The following SLC39A14 variants were observed in gnomAD, a reference collection of about 807,000 sequenced individuals.
SLC39A14 encodes solute carrier family 39 member 14.
In SLC39A14, 19 loss-of-function variants were observed where a neutral mutation model predicts 45.5. That is an observed-to-expected ratio of 0.42 (90% confidence interval 0.29 to 0.61). SLC39A14 has a LOEUF of 0.61. SLC39A14 is among the 20% of genes least tolerant of loss of function. SLC39A14 has a pLI of 0.22. For synonymous variants in SLC39A14, 264 were observed against 251.3 expected (o/e 1.05, Z -0.48); for missense variants, 447 against 616.5 (o/e 0.73, Z 2.91).
rs933009960 is a variant in SLC39A14 at position 22,421,091 on chromosome 8, G to A, written c.*1393G>A. 31 of 985,672 alleles carry A rather than the reference G, an allele frequency of 3.1e-5. No homozygotes were observed. The highest frequency in any genetic ancestry group is 5.2e-4 in the Middle Eastern group (1 of 1,936). The allele number at this position is 985,672 out of a possible 1,614,324, so 61.1% of individuals were successfully genotyped here. ...TGAATTGATTTATTATTATCATATTGATAATGTGAGATTCTTTAGCCACTT... is the reference window on the plus strand; with the variant it reads ...TGAATTGATTTATTATTATCATATTAATAATGTGAGATTCTTTAGCCACTT... On this transcript the variant is annotated 3_prime_UTR_variant, in exon 9 of 9. Coordinates refer to ENST00000381237, the MANE Select transcript of SLC39A14 (RefSeq NM_001128431.4).
intron 2 of SLC39A14, among the ~76,000 whole-genome samples, chr8:22,405,802 GT>G (rs11336813): frequency 0.047 from 7,156 of 152,274 alleles, 201 homozygotes; most frequent in East Asian, 0.098. Context: ...TGGATTCTGT[GT>G]TCTTTCTTCC....
intron 1 of SLC39A14, among the ~76,000 whole-genome samples, chr8:22,402,351 C>CTCCA (rs1430891159): frequency 2.6e-5 from 4 of 152,082 alleles, no homozygotes; most frequent in African/African-American, 9.6e-5. Context: ...GGCCACTGCA[C>CTCCA]TCCAGCCTGG....
downstream of SLC39A14, among the ~76,000 whole-genome samples, chr8:22,426,401 C>T (rs761360060): frequency 2.0e-5 from 3 of 152,152 alleles, no homozygotes; most frequent in East Asian, 1.9e-4. Context: ...TTAAGTTGCC[C>T]GGGCTGGTCT....
chr8:22,428,051 C>T (rs570184020), intron 8 of SLC39A14, among the ~76,000 whole-genome samples: 5 of 152,212 alleles, frequency 3.3e-5, no homozygotes, highest in South Asian at 4.2e-4. Context: ...ATAATCCTAA[C>T]GCTCTGGGAG....
At chr8:22,411,442 C>T (rs564655170) in intron 3 of SLC39A14, among the ~76,000 whole-genome samples, 29 of 152,242 alleles carry the variant, frequency 1.9e-4, no homozygotes, top group Non-Finnish European at 3.1e-4. Flanking sequence ...ATGAATTAAT[C>T]GTTCTCCATC....
rs953062091 is a variant in SLC39A14, at chr8:22,372,270, C to T, written c.-16+4862C>T. Among the ~76,000 whole-genome samples, 14 of 151,986 alleles carry T rather than the reference C, an allele frequency of 9.2e-5. 1 individual carries two copies. The highest frequency in any genetic ancestry group is 7.7e-4 in the East Asian group (4 of 5,174). The stretch of plus-strand genomic sequence containing the variant: ...TATTCACATAGTTGAAAAATCAAGA[C>T]GGTAAAAAACAGCAAAACCTTGTCT... On this transcript the variant is annotated intron_variant, in intron 1 of 8. Transcript: ENST00000381237.
At chr8:22,411,969 G>A in intron 3 of SLC39A14, 68 bp from the exon 4 acceptor site, 1 of 1,409,126 alleles carries the variant, frequency 7.1e-7, no homozygotes, top group African/African-American at 1.4e-5. Context: ...AATGGTGGTT[G>A]CTGTGCAATG....
chr8:22,383,420 C>G (rs1833620356), intron 1 of SLC39A14, among the ~76,000 whole-genome samples: 1 of 152,144 alleles, frequency 6.6e-6, no homozygotes, highest in African/African-American at 2.4e-5. Context: ...TATTGTTTCA[C>G]TTATTTTACT....
intron 1 of SLC39A14, among the ~76,000 whole-genome samples, chr8:22,382,903 A>G (rs1317822808): frequency 2.0e-5 from 3 of 150,234 alleles, no homozygotes; most frequent in Non-Finnish European, 4.4e-5. Flanking sequence ...TTTTTGGTAG[A>G]GACGGGGTTT....
chr8:22,404,467 T>G (rs1457932089), intron 1 of SLC39A14: 3 of 345,802 alleles, frequency 8.7e-6, no homozygotes, highest in South Asian at 6.5e-5. Context: ...TGTTTGTTTT[T>G]TTTTTTTTCA....
At chr8:22,397,345 G>A (rs1834550375) in intron 1 of SLC39A14, among the ~76,000 whole-genome samples, 1 of 152,132 alleles carries the variant, frequency 6.6e-6, no homozygotes, top group Admixed American at 6.6e-5. Context: ...TTGGGAGGCC[G>A]AGGCGGGCAA....
chr8:22,375,446 C>A (rs1212275302), intron 1 of SLC39A14, among the ~76,000 whole-genome samples: 1 of 151,336 alleles, frequency 6.6e-6, no homozygotes. Flanking sequence ...CTTACCTCGA[C>A]ATCAAAATTT....
chr8:22,407,998 T>C (rs116154699), intron 2 of SLC39A14, among the ~76,000 whole-genome samples: 5,578 of 152,304 alleles, frequency 0.037, 359 homozygotes, highest in African/African-American at 0.13. Context: ...TTAGCCACCG[T>C]GCCCTGCCAC....
At chr8:22,408,163 C>T (rs1010468920) in intron 2 of SLC39A14, 147 bp from the exon 3 acceptor site, 11 of 689,500 alleles carry the variant, frequency 1.6e-5, no homozygotes, top group Non-Finnish European at 2.7e-5. Flanking sequence ...GCCCTCATCC[C>T]TAGACTAGAT....
intron 1 of SLC39A14, among the ~76,000 whole-genome samples, chr8:22,368,599 C>G (rs984922846): frequency 6.6e-6 from 1 of 151,986 alleles, no homozygotes; most frequent in Admixed American, 6.6e-5. Flanking sequence ...TGCAGTGGCG[C>G]GATCTCGGCT....
chr8:22,428,596 C>G (rs1836423028), intron 8 of SLC39A14, among the ~76,000 whole-genome samples: 1 of 151,744 alleles, frequency 6.6e-6, no homozygotes, highest in Non-Finnish European at 1.5e-5. Flanking sequence ...GCGCATGCCA[C>G]CACACCCACC....
intron 1 of SLC39A14, among the ~76,000 whole-genome samples, chr8:22,396,741 C>T (rs1834509312): frequency 6.7e-6 from 1 of 149,954 alleles, no homozygotes; most frequent in East Asian, 2.0e-4. Flanking sequence ...GGTAGCTTTT[C>T]CTCCTACTAC....
chr8:22,384,579 C>G (rs186216649), intron 1 of SLC39A14, among the ~76,000 whole-genome samples: 3 of 151,756 alleles, frequency 2.0e-5, no homozygotes, highest in Admixed American at 2.0e-4. Flanking sequence ...TAAACCCTGT[C>G]TCTACAAAAA....
downstream of SLC39A14, among the ~76,000 whole-genome samples, chr8:22,423,362 A>G (rs1301655704): frequency 7.3e-6 from 1 of 137,160 alleles, no homozygotes. Flanking sequence ...TTGAGACGGA[A>G]TCTCACTCTA....
Sources: allele counts gnomAD v4.1 joint callset (sites outside exome capture counted in the v4.1 genomes callset), GRCh38; gene constraint gnomAD v4.1.1; transcripts MANE v1.5; gene names NCBI Gene and HGNC (gene_info 2026-07-23, HGNC 2026-07-21).